GRIA4: variants seen among roughly 807,000 people sequenced by gnomAD.
GRIA4 encodes the protein glutamate receptor 4.
GRIA4 carries 34 observed loss-of-function variants against 104.0 expected under a neutral mutation model. The observed-to-expected ratio is 0.33, with a 90% CI of 0.25 to 0.44. The LOEUF is 0.44. GRIA4 is among the 20% of genes least tolerant of loss of function. GRIA4 has a pLI of 1.00. For missense variants in GRIA4, 750 were observed against 1,096.5 expected (o/e 0.68, Z 4.46); for synonymous variants, 386 against 381.9 (o/e 1.01, Z -0.13).
At chr11:105,842,660 G>A (rs977388713) in intron 4 of GRIA4, 1 of 152,110 alleles carries the variant, frequency 6.6e-6, no homozygotes, top group Non-Finnish European at 1.5e-5. Context: ...ATCATATCAT[G>A]AGTCTCAGCC....
At chr11:105,640,835 T>A (rs1040972921) in intron 3 of GRIA4, among the ~76,000 whole-genome samples, 4 of 152,158 alleles carry the variant, frequency 2.6e-5, no homozygotes, top group Admixed American at 2.6e-4. Flanking sequence ...CTAATTATTT[T>A]CATTTTGTTT....
At chr11:105,645,936 T>C (rs1333823517) in intron 3 of GRIA4, among the ~76,000 whole-genome samples, 2 of 152,108 alleles carry the variant, frequency 1.3e-5, no homozygotes, top group African/African-American at 2.4e-5. Flanking sequence ...CTGGTTAAAA[T>C]TGGGGTAAAG....
chr11:105,872,617 G>A (rs759652391), intron 5 of GRIA4, among the ~76,000 whole-genome samples: 12 of 152,054 alleles, frequency 7.9e-5, no homozygotes, highest in Non-Finnish European at 1.6e-4. Flanking sequence ...GATATTTGAA[G>A]ATAACTTTTA....
chr11:105,637,925 G>A (rs1361951449), intron 3 of GRIA4, among the ~76,000 whole-genome samples: 1 of 152,092 alleles, frequency 6.6e-6, no homozygotes, highest in Non-Finnish European at 1.5e-5. Context: ...GATAATCTGA[G>A]TCTAAATTCT....
chr11:105,690,949 A>G (rs1174475455), intron 3 of GRIA4, among the ~76,000 whole-genome samples: 1 of 151,900 alleles, frequency 6.6e-6, no homozygotes, highest in African/African-American at 2.4e-5. Context: ...TGTCTTTTAA[A>G]CTCAGTTTTC....
Position 105,933,802 on chromosome 11 carries a change from T to C in GRIA4, c.2127T>C (p.Ala709=), listed in dbSNP as rs919883288. 2.5e-6 allele frequency: 4 copies of C among 1,613,084 alleles called. No homozygotes were observed. The Admixed American group carries it at 5.0e-5, about 20-fold the overall frequency. The part of the protein sequence containing the change: ...AEPSVFTRTT[A]EGVARVRKSK... ...CATCAGTATTCACTAGGACTACAGC[T>C]GAGGGAGTAGCTCGTGTCCGCAAAT... Residue 709 remains alanine (A), a synonymous_variant, in exon 14 of 17, where the codon GCT becomes GCC. Transcript: ENST00000282499.
At chr11:105,959,979 C>T (rs1025271979) in intron 14 of GRIA4, among the ~76,000 whole-genome samples, 55 of 152,352 alleles carry the variant, frequency 3.6e-4, no homozygotes, top group African/African-American at 1.3e-3. Context: ...GCCAGGATGG[C>T]TGCCTGCTCC....
chr11:105,642,570 C>G (rs374655836), intron 3 of GRIA4, among the ~76,000 whole-genome samples: 1 of 137,806 alleles, frequency 7.3e-6, no homozygotes, highest in East Asian at 2.2e-4. Flanking sequence ...AAAAGGCTGT[C>G]GCCAGCACCT....
chr11:105,821,520 T>C (rs1232666708), intron 4 of GRIA4, among the ~76,000 whole-genome samples: 1 of 151,914 alleles, frequency 6.6e-6, no homozygotes, highest in Non-Finnish European at 1.5e-5. Context: ...GTGTCTCACA[T>C]GGCAGAAGCA....
intron 13 of GRIA4, among the ~76,000 whole-genome samples, chr11:105,927,405 T>TAAC (rs1162377268): frequency 2.0e-5 from 3 of 152,108 alleles, no homozygotes; most frequent in African/African-American, 7.2e-5. Context: ...ACCTATTCTG[T>TAAC]AACAATGAAC....
intron 3 of GRIA4, among the ~76,000 whole-genome samples, chr11:105,689,765 G>A (rs986722900): frequency 6.6e-6 from 1 of 152,130 alleles, no homozygotes. Context: ...CTTTTCCTTA[G>A]TATCCGCAAG....
intron 3 of GRIA4, among the ~76,000 whole-genome samples, chr11:105,685,817 A>G (rs996280730): frequency 4.8e-4 from 2 of 4,192 alleles, no homozygotes; most frequent in African/African-American, 5.2e-4. Flanking sequence ...CAGAGGCATC[A>G]ATCAAAAAAG....
At chr11:105,851,951 C>T (rs574161511) in intron 4 of GRIA4, among the ~76,000 whole-genome samples, 145 of 152,278 alleles carry the variant, frequency 9.5e-4, no homozygotes, top group African/African-American at 2.4e-3. Context: ...ATTTCTATAT[C>T]GGCAGCCTCT....
intron 3 of GRIA4, among the ~76,000 whole-genome samples, chr11:105,650,899 G>A (rs1951668114): frequency 6.6e-6 from 1 of 152,078 alleles, no homozygotes; most frequent in African/African-American, 2.4e-5. Context: ...ATCTCTAACA[G>A]GCCCCTCTTC....
At chr11:105,969,710 GCACC>G (rs1249919378) in intron 14 of GRIA4, among the ~76,000 whole-genome samples, 14 of 152,268 alleles carry the variant, frequency 9.2e-5, no homozygotes, top group Middle Eastern at 3.4e-3. Context: ...ATATAGTTTA[GCACC>G]CATGTGTTAC....
At chr11:105,764,178 C>A (rs965611155) in intron 4 of GRIA4, among the ~76,000 whole-genome samples, 1 of 152,072 alleles carries the variant, frequency 6.6e-6, no homozygotes, top group African/African-American at 2.4e-5. Context: ...CACTCTGTCA[C>A]CAGGCTGGAA....
At chr11:105,925,343 T>C (rs1224724524) in intron 12 of GRIA4, among the ~76,000 whole-genome samples, 1 of 152,124 alleles carries the variant, frequency 6.6e-6, no homozygotes, top group Non-Finnish European at 1.5e-5. Flanking sequence ...TGTTTTTCAA[T>C]ATCTGTGGAG....
At position 105,980,204 on chromosome 11, in the gene GRIA4, A is replaced by G. The variant is rs1261291021; in HGVS notation, c.*465A>G. 1 of 153,142 alleles carries G rather than the reference A, an allele frequency of 6.5e-6. No homozygotes were observed. Among genetic ancestry groups the G allele is most frequent in the Non-Finnish European group, 1.5e-5 (1 of 68,392 alleles). 9.5% of individuals were successfully genotyped at this position (153,142 alleles called of 1,614,324 possible). A position where few individuals can be genotyped will look rare whatever the true frequency, so the allele number is the denominator to read the frequency against. On this transcript the variant is annotated 3_prime_UTR_variant, in exon 17 of 17. Transcript: ENST00000282499. ...GTCCATGGAAGAAAATCCAGCTGAG[A>G]AAACAAATCACTAAACTGTGATAAG...
chr11:105,850,755 T>C (rs1223078732), intron 4 of GRIA4, among the ~76,000 whole-genome samples: 1 of 152,128 alleles, frequency 6.6e-6, no homozygotes, highest in African/African-American at 2.4e-5. Flanking sequence ...CCCTGTGAAC[T>C]TAGAGTGAAA....
Sources: gnomAD v4.1 joint callset for allele counts (sites outside exome capture counted in the v4.1 genomes callset) on GRCh38, gnomAD v4.1.1 for gene constraint, MANE v1.5 for transcripts, NCBI Gene and HGNC (gene_info 2026-07-23, HGNC 2026-07-21) for gene names.